STPG2: variants seen among roughly 807,000 people sequenced by gnomAD.
STPG2 encodes the protein sperm-tail PG-rich repeat-containing protein 2.
Under a neutral mutation model 54.2 loss-of-function variants are expected in STPG2, and 56 were observed. The ratio of observed to expected loss-of-function variants is 1.03; its 90% CI spans 0.83 to 1.29. STPG2 has a LOEUF of 1.29. STPG2 is among the 50% of genes most tolerant of loss of function. The pLI is 0.00. For missense variants in STPG2, 596 were observed against 544.9 expected, an observed-to-expected ratio of 1.09 and a Z score of -0.93; for synonymous variants, 200 against 181.8, an observed-to-expected ratio of 1.10 and a Z score of -0.81.
At chr4:97,713,679 G>A (rs927014229) in intron 9 of STPG2, among the ~76,000 whole-genome samples, 12 of 152,132 alleles carry the variant, frequency 7.9e-5, no homozygotes, top group Non-Finnish European at 1.8e-4. Context: ...GTGGAGCTCA[G>A]GCGGTAATAC....
At chr4:97,854,294 T>C (rs188440354) in intron 8 of STPG2, among the ~76,000 whole-genome samples, 92 of 152,160 alleles carry the variant, frequency 6.0e-4, no homozygotes, top group African/African-American at 2.1e-3. Flanking sequence ...CATATAACCA[T>C]GGTCAAATTA....
rs531904387 is a variant in STPG2, at chr4:97,654,636, T to C, written c.1320+58063A>G. On this transcript the variant is annotated intron_variant, in intron 10 of 10. Coordinates refer to ENST00000295268, the MANE Select transcript of STPG2 (RefSeq NM_174952.3). ...TATTAGTTATCTTCACTAGAACATA[T>C]GCCACATAAGAGCAATGACTTCTGT... Among the ~76,000 whole-genome samples the C allele has an allele frequency of 2.6e-5, 4 of 152,214 alleles. No homozygotes were observed. The South Asian group carries it at 8.3e-4, about 32-fold the overall frequency.
chr4:97,528,169 T>C (rs1426598119), intron 4 of STPG2, among the ~76,000 whole-genome samples: 2 of 152,214 alleles, frequency 1.3e-5, no homozygotes, highest in East Asian at 3.9e-4. Flanking sequence ...CTTGAGTTAA[T>C]TTTTGTATAA....
chr4:97,999,429 G>A (rs542626246), intron 5 of STPG2, among the ~76,000 whole-genome samples: 27 of 152,236 alleles, frequency 1.8e-4, no homozygotes, highest in Non-Finnish European at 2.6e-4. Context: ...AAGGCCAGGC[G>A]CAGTGGCTCA....
intron 5 of STPG2, among the ~76,000 whole-genome samples, chr4:97,992,438 A>C (rs1409619805): frequency 6.6e-6 from 1 of 152,112 alleles, no homozygotes; most frequent in African/African-American, 2.4e-5. Flanking sequence ...TAGGTTCTCT[A>C]TTCTGTTCCA....
chr4:98,101,303 C>T (rs946151885), intron 5 of STPG2, among the ~76,000 whole-genome samples: 1 of 152,100 alleles, frequency 6.6e-6, no homozygotes, highest in Non-Finnish European at 1.5e-5. Context: ...GAAGAAAGCA[C>T]CATGGGAGAG....
At chr4:97,653,093 T>TGATA (rs746756598) in intron 10 of STPG2, among the ~76,000 whole-genome samples, 3 of 82,762 alleles carry the variant, frequency 3.6e-5, no homozygotes, top group Admixed American at 1.5e-4. Context: ...GATTGATAGA[T>TGATA]GATAGATAGA....
chr4:97,850,299 A>AAAAT (rs35675294), intron 8 of STPG2, among the ~76,000 whole-genome samples: 48,964 of 106,740 alleles, frequency 0.46, 10,673 homozygotes, highest in Middle Eastern at 0.57. Context: ...GAGGGAAAGA[A>AAAAT]AAATAAATAA....
At chr4:97,971,953 T>G (rs1281398629) in intron 7 of STPG2, among the ~76,000 whole-genome samples, 1 of 152,200 alleles carries the variant, frequency 6.6e-6, no homozygotes, top group Non-Finnish European at 1.5e-5. Context: ...TTAAGCATCT[T>G]CATTTTTTTC....
chr4:97,533,027 C>T (rs773979095), intron 4 of STPG2, among the ~76,000 whole-genome samples: 23 of 152,122 alleles, frequency 1.5e-4, no homozygotes, highest in Non-Finnish European at 2.4e-4. Context: ...GAACTACAGG[C>T]GCCCGCCACC....
chr4:98,019,951 T>C (rs1316064741), intron 5 of STPG2, among the ~76,000 whole-genome samples: 3 of 122,488 alleles, frequency 2.4e-5, no homozygotes, highest in Admixed American at 7.8e-5. Flanking sequence ...TATACAATCA[T>C]GTCGTCTGCA....
chr4:98,011,790 C>T (rs1184945931), intron 5 of STPG2, among the ~76,000 whole-genome samples: 1 of 152,120 alleles, frequency 6.6e-6, no homozygotes, highest in Non-Finnish European at 1.5e-5. Context: ...ACCCTTTGCC[C>T]ACTTTTTGAT....
intron 4 of STPG2, among the ~76,000 whole-genome samples, chr4:97,507,186 G>A (rs781721188): frequency 1.1e-4 from 17 of 151,562 alleles, no homozygotes; most frequent in Non-Finnish European, 2.2e-4. Flanking sequence ...AAACAAACAG[G>A]ACATCAAAAA....
intron 9 of STPG2, among the ~76,000 whole-genome samples, chr4:97,770,276 G>A (rs1578549157): frequency 1.3e-5 from 2 of 152,102 alleles, no homozygotes; most frequent in Non-Finnish European, 2.9e-5. Context: ...GGGTAAAGGG[G>A]ACTGTGAGTT....
At chr4:97,873,393 G>T (rs999642428) in intron 8 of STPG2, among the ~76,000 whole-genome samples, 1 of 151,306 alleles carries the variant, frequency 6.6e-6, no homozygotes, top group African/African-American at 2.4e-5. Flanking sequence ...TAAATACAGT[G>T]CAACATTTGT....
Position 97,981,190 on chromosome 4 carries a change from G to A in STPG2, c.741C>T (p.Phe247=), listed in dbSNP as rs773798698. The A allele has an allele frequency of 6.2e-7, 1 of 1,613,996 alleles. No homozygotes were observed. The highest frequency in any genetic ancestry group is 1.7e-5 in the Admixed American group (1 of 60,030). Residue 247 remains phenylalanine, a synonymous_variant, in exon 6 of 11, where the codon TTC becomes TTT. Coordinates refer to ENST00000295268, the MANE Select transcript of STPG2 (RefSeq NM_174952.3). The part of the protein sequence containing the change: ...NIPFGQSAVR[F]TQDIRTEEMP... The stretch of plus-strand genomic sequence containing the variant: ...TTTCCTCTGTCCTGATGTCCTGTGT[G>A]AATCGAACAGCACTTTGACCAAATG...
At chr4:98,131,814 C>T (rs1740004838) in intron 2 of STPG2, among the ~76,000 whole-genome samples, 1 of 152,140 alleles carries the variant, frequency 6.6e-6, no homozygotes, top group Admixed American at 6.5e-5. Flanking sequence ...AATCCCACTT[C>T]TGTATCTTCA....
intron 7 of STPG2, among the ~76,000 whole-genome samples, chr4:97,962,332 A>G (rs80310774): frequency 0.015 from 2,266 of 152,274 alleles, 51 homozygotes; most frequent in African/African-American, 0.05. Context: ...ACCAAACACT[A>G]CCTAGTCCCC....
At chr4:97,979,885 C>T (rs576554763) in intron 6 of STPG2, among the ~76,000 whole-genome samples, 6 of 151,920 alleles carry the variant, frequency 3.9e-5, no homozygotes, top group East Asian at 1.9e-4. Flanking sequence ...CCACCACACC[C>T]GACTAATTTT....
Sources: allele counts gnomAD v4.1 joint callset (sites outside exome capture counted in the v4.1 genomes callset), GRCh38; gene constraint gnomAD v4.1.1; transcripts MANE v1.5; gene names NCBI Gene and HGNC (gene_info 2026-07-23, HGNC 2026-07-21).